Variants in FAR2 observed in about 807,000 individuals in gnomAD.
FAR2 encodes the protein fatty acyl-CoA reductase 2.
FAR2 carries 19 observed loss-of-function variants against 56.0 expected under a neutral mutation model. The observed-to-expected ratio is 0.34, with a 90% CI of 0.24 to 0.50. The LOEUF (loss-of-function observed/expected upper bound fraction) is 0.50. Among genes scored for constraint, FAR2 ranks in the 20% least tolerant of loss-of-function variants. The pLI, the probability that FAR2 is intolerant of heterozygous loss-of-function variation, is 0.98. For synonymous variants in FAR2, 219 were observed against 218.8 expected (o/e 1.00, Z -0.01); for missense variants, 508 against 642.2 (o/e 0.79, Z 2.26).
intron 1 of FAR2, among the ~76,000 whole-genome samples, chr12:29,215,290 A>G (rs1483050127): frequency 6.6e-6 from 1 of 152,212 alleles, no homozygotes; most frequent in African/African-American, 2.4e-5. Context: ...AAGAAACCTC[A>G]TGCTTTTGTC....
chr12:29,254,259 T>C (rs1234634271), intron 1 of FAR2, among the ~76,000 whole-genome samples: 1 of 152,222 alleles, frequency 6.6e-6, no homozygotes, highest in Non-Finnish European at 1.5e-5. Flanking sequence ...AATTGCTGAA[T>C]TGAATAATTT....
At chr12:29,233,384 C>G (rs1947889589) in intron 1 of FAR2, among the ~76,000 whole-genome samples, 1 of 152,174 alleles carries the variant, frequency 6.6e-6, no homozygotes. Flanking sequence ...CACTCCTTCA[C>G]TCTTCACTAT....
intron 4 of FAR2, among the ~76,000 whole-genome samples, chr12:29,305,365 T>C (rs1949239253): frequency 6.6e-6 from 1 of 152,084 alleles, no homozygotes; most frequent in Non-Finnish European, 1.5e-5. Flanking sequence ...CTCAAACTCC[T>C]GGACTCAAAC....
intron 1 of FAR2, among the ~76,000 whole-genome samples, chr12:29,192,856 A>G (rs966651212): frequency 5.3e-5 from 8 of 151,746 alleles, no homozygotes; most frequent in African/African-American, 1.9e-4. Flanking sequence ...AATGAAAGGG[A>G]AATGGAAAGC....
intron 1 of FAR2, among the ~76,000 whole-genome samples, chr12:29,197,054 A>G (rs1950149834): frequency 6.6e-6 from 1 of 152,208 alleles, no homozygotes; most frequent in African/African-American, 2.4e-5. Flanking sequence ...GTGAGAATTG[A>G]CGAAAATCCT....
intron 5 of FAR2, chr12:29,308,065 T>C: frequency 2.5e-6 from 1 of 402,168 alleles, no homozygotes; most frequent in South Asian, 4.2e-5. Context: ...ACGGAGAGCT[T>C]AAATTAGCTT....
intron 1 of FAR2, among the ~76,000 whole-genome samples, chr12:29,164,253 T>C (rs968815262): frequency 1.3e-5 from 2 of 152,246 alleles, no homozygotes; most frequent in Non-Finnish European, 1.5e-5. Context: ...TCTTCACTTA[T>C]GCAGGCACGA....
At chr12:29,189,753 T>C (rs550543421) in intron 1 of FAR2, among the ~76,000 whole-genome samples, 580 of 152,320 alleles carry the variant, frequency 3.8e-3, no homozygotes, top group Admixed American at 6.0e-3. Flanking sequence ...TTTTAAAAGA[T>C]CGCTCCAAAA....
intron 5 of FAR2, among the ~76,000 whole-genome samples, chr12:29,308,345 A>G (rs2136783660): frequency 6.6e-6 from 1 of 152,250 alleles, no homozygotes; most frequent in East Asian, 1.9e-4. Flanking sequence ...GGGTAGATAA[A>G]TTCCAGCTCC....
chr12:29,316,803 C>T (rs1327634594), intron 8 of FAR2, 38 bp from the exon 9 acceptor site: 3 of 1,602,930 alleles, frequency 1.9e-6, no homozygotes, highest in East Asian at 4.5e-5. Flanking sequence ...CTTATATTCT[C>T]CTTTTCTCCT....
intron 1 of FAR2, among the ~76,000 whole-genome samples, chr12:29,267,156 T>C (rs1392915605): frequency 1.3e-5 from 2 of 152,184 alleles, no homozygotes; most frequent in Non-Finnish European, 2.9e-5. Flanking sequence ...TTATGATTTA[T>C]TGAGTGTTAA....
intron 1 of FAR2, among the ~76,000 whole-genome samples, chr12:29,179,932 C>G (rs569816016): frequency 6.6e-6 from 1 of 152,066 alleles, no homozygotes. Context: ...AGCAAACAAA[C>G]AAAAAAACCT....
intron 4 of FAR2, among the ~76,000 whole-genome samples, chr12:29,307,388 T>C (rs1949268484): frequency 7.0e-6 from 1 of 142,130 alleles, no homozygotes; most frequent in Admixed American, 7.1e-5. Context: ...ATTCTATCGG[T>C]CTATCTACCT....
intron 1 of FAR2, among the ~76,000 whole-genome samples, chr12:29,228,074 A>G (rs921467780): frequency 2.6e-5 from 4 of 151,928 alleles, no homozygotes; most frequent in Admixed American, 6.6e-5. Flanking sequence ...TGGCACATGT[A>G]TACATATGTA....
At chr12:29,330,989 A>G (rs1405965730) in intron 10 of FAR2, among the ~76,000 whole-genome samples, 1 of 152,192 alleles carries the variant, frequency 6.6e-6, no homozygotes, top group African/African-American at 2.4e-5. Context: ...AATTAATTTG[A>G]CCTAAATTCT....
intron 1 of FAR2, among the ~76,000 whole-genome samples, chr12:29,170,331 A>G (rs1287378726): frequency 1.3e-5 from 2 of 152,200 alleles, no homozygotes; most frequent in Non-Finnish European, 2.9e-5. Context: ...ATTAAGATTT[A>G]GATCCCCTGT....
chr12:29,327,889 C>A (rs1459536266), intron 10 of FAR2, among the ~76,000 whole-genome samples: 1 of 151,900 alleles, frequency 6.6e-6, no homozygotes, highest in Non-Finnish European at 1.5e-5. Context: ...GCAACAAAAG[C>A]CAAAATTGAC....
intron 1 of FAR2, among the ~76,000 whole-genome samples, chr12:29,192,020 T>G (rs572448132): frequency 3.3e-5 from 5 of 152,250 alleles, no homozygotes; most frequent in African/African-American, 9.6e-5. Context: ...CTATTTGTAT[T>G]GGTTGATTAG....
intron 2 of FAR2, among the ~76,000 whole-genome samples, chr12:29,278,766 G>T (rs536190485): frequency 5.2e-4 from 79 of 152,304 alleles, no homozygotes; most frequent in South Asian, 6.2e-4. Flanking sequence ...AGCTTTGTGT[G>T]CTGGACTTGA....
Sources: gnomAD v4.1 joint callset for allele counts (sites outside exome capture counted in the v4.1 genomes callset) on GRCh38, gnomAD v4.1.1 for gene constraint, MANE v1.5 for transcripts, NCBI Gene and HGNC (gene_info 2026-07-23, HGNC 2026-07-21) for gene names.